HMGXB3: variants seen among roughly 807,000 people sequenced by gnomAD.
HMGXB3 encodes HMG-box containing 3, also known as HMG domain-containing protein 3.
In HMGXB3, 45 loss-of-function variants were observed where a neutral mutation model predicts 121.5. The observed-to-expected ratio is 0.37, with a 90% CI of 0.29 to 0.47. The LOEUF is 0.47. Among genes scored for constraint, HMGXB3 ranks in the 20% least tolerant of loss-of-function variants. The pLI is 0.99. For missense variants in HMGXB3, 1,376 were observed against 1,602.2 expected (o/e 0.86, Z 2.41); for synonymous variants, 590 against 624.1 (o/e 0.95, Z 0.81).
chr5:150,024,163 CTTAT>C (rs749754474), intron 6 of HMGXB3, 95 bp from the exon 7 acceptor site: 1 of 983,668 alleles, frequency 1.0e-6, no homozygotes, highest in Non-Finnish European at 1.4e-6. Flanking sequence ...CCTTAGTTTC[CTTAT>C]TTATTGCCCA....
At chr5:150,041,532 A>T (rs1287432054) in intron 14 of HMGXB3, among the ~76,000 whole-genome samples, 1 of 152,260 alleles carries the variant, frequency 6.6e-6, no homozygotes, top group Non-Finnish European at 1.5e-5. Context: ...ATGACATAAC[A>T]TATCCAAAGC....
At chr5:150,014,527 A>G (rs1055003741) in intron 5 of HMGXB3, among the ~76,000 whole-genome samples, 3 of 152,226 alleles carry the variant, frequency 2.0e-5, no homozygotes, top group East Asian at 3.9e-4. Context: ...AGGACCTACT[A>G]AAACAGTTCA....
chr5:150,038,509 A>C (rs887733464), intron 13 of HMGXB3, among the ~76,000 whole-genome samples: 3 of 152,246 alleles, frequency 2.0e-5, no homozygotes, highest in African/African-American at 7.2e-5. Context: ...ATAAGTTCTG[A>C]CAGATGCACT....
chr5:150,045,082 G>A (rs974857589), intron 15 of HMGXB3, among the ~76,000 whole-genome samples: 2 of 152,160 alleles, frequency 1.3e-5, no homozygotes, highest in African/African-American at 4.8e-5. Context: ...CTGTCTCTTC[G>A]AGTGCTTGAA....
At chr5:150,047,246 G>T (rs184561127) in intron 16 of HMGXB3, among the ~76,000 whole-genome samples, 19 of 152,244 alleles carry the variant, frequency 1.2e-4, no homozygotes, top group Middle Eastern at 6.8e-3. Flanking sequence ...GTGCTAGCCA[G>T]GTTCAGGAAC....
At chr5:150,018,447 A>G in intron 5 of HMGXB3, 119 bp from the exon 6 acceptor site, 2 of 748,340 alleles carry the variant, frequency 2.7e-6, no homozygotes, top group Non-Finnish European at 3.9e-6. Context: ...CTTTTATGAT[A>G]TGATTATGAA....
rs1408214627 is a variant in HMGXB3 at position 150,052,212 on chromosome 5, A to T, written c.*20A>T. Reference sequence around the variant, plus strand: ...GAATAAGCCAGGCTGTTGTACAGGGACTACACCATCTCTCAAGCCATAGTA... The same window carrying T: ...GAATAAGCCAGGCTGTTGTACAGGGTCTACACCATCTCTCAAGCCATAGTA... On this transcript the variant is annotated 3_prime_UTR_variant, in exon 20 of 20. Coordinates refer to ENST00000502717, the MANE Select transcript of HMGXB3 (RefSeq NM_014983.3). 6.6e-7 allele frequency: 1 copy of T among 1,505,212 alleles called. No homozygotes were observed. The highest frequency in any genetic ancestry group is 1.2e-5 in the South Asian group (1 of 81,338). The allele number at this position is 1,505,212 out of a possible 1,614,324, so 93.2% of individuals were successfully genotyped here.
At chr5:150,004,175 A>T (rs1360242291) in intron 1 of HMGXB3, among the ~76,000 whole-genome samples, 1 of 151,952 alleles carries the variant, frequency 6.6e-6, no homozygotes, top group Admixed American at 6.6e-5. Flanking sequence ...CGCCCATCCA[A>T]TTATTTTTAA....
At chr5:150,038,097 T>C (rs1210919370) in intron 13 of HMGXB3, among the ~76,000 whole-genome samples, 1 of 152,212 alleles carries the variant, frequency 6.6e-6, no homozygotes, top group Non-Finnish European at 1.5e-5. Flanking sequence ...CCCTAATTTG[T>C]CTTTTGGACA....
rs200088455 is a variant in HMGXB3, at chr5:150,024,513, C to T, written c.1293C>T (p.Pro431=). The part of the protein sequence containing the change: ...SDAHVLVKEA[P]GNCGTAVTKT... ...CCCATGTTTTGGTTAAGGAAGCTCC[C>T]GGGAATTGTGGTACAGCAGTCACTA... The change falls in exon 7 of 20, where the codon CCC becomes CCT. Residue 431 remains proline (P), a synonymous_variant. Transcript: ENST00000502717. 133 of 1,551,456 alleles carry T rather than the reference C, an allele frequency of 8.6e-5. No individual in the cohort carries two copies. The highest frequency in any genetic ancestry group is 4.2e-4 in the East Asian group (17 of 40,930).
intron 9 of HMGXB3, among the ~76,000 whole-genome samples, chr5:150,028,541 GTATATA>G (rs1554098997): frequency 2.4e-5 from 1 of 42,088 alleles, no homozygotes; most frequent in Non-Finnish European, 5.0e-5. Flanking sequence ...GTGTGTGTGT[GTATATA>G]TATATATATA....
intron 9 of HMGXB3, 200 bp from the exon 10 acceptor site, chr5:150,030,541 C>T (rs1756347397): frequency 3.6e-6 from 2 of 556,670 alleles, no homozygotes; most frequent in South Asian, 2.1e-5. Flanking sequence ...TGCACAGAAG[C>T]ATGTGGCAAG....
chr5:150,033,948 C>A (rs899189447), intron 11 of HMGXB3, among the ~76,000 whole-genome samples: 4 of 152,126 alleles, frequency 2.6e-5, no homozygotes, highest in Admixed American at 6.5e-5. Context: ...GGGAAAAACA[C>A]TGGGGCTGGG....
In HMGXB3 at chr5:150,051,752, C is replaced by A. The variant is rs1756904833; in HGVS notation, c.3439C>A (p.Gln1147Lys). ...VSVSCPELLDQHYTVDMTETE... is the reference protein window; with the variant it reads ...VSVSCPELLDKHYTVDMTETE... ...TGTGTCCTGCCCAGAGCTCTTGGACCAGCATTATACTGTGGACATGACAGA... is the reference window on the plus strand; with the variant it reads ...TGTGTCCTGCCCAGAGCTCTTGGACAAGCATTATACTGTGGACATGACAGA... Residue 1147 changes from glutamine (Q) to lysine (K), a missense_variant, in exon 20 of 20, where the codon CAG (glutamine) becomes AAG (lysine). Transcript: ENST00000502717. 3 of 1,533,168 alleles carry A rather than the reference C, an allele frequency of 2.0e-6. No individual in the cohort carries two copies. Among genetic ancestry groups the A allele is most frequent in the African/African-American group, 2.7e-5 (2 of 72,886 alleles). The allele number at this position is 1,533,168 out of a possible 1,614,324, so 95.0% of individuals were successfully genotyped here.
chr5:150,012,726 C>A (rs1172885149), intron 5 of HMGXB3, among the ~76,000 whole-genome samples: 2 of 152,166 alleles, frequency 1.3e-5, no homozygotes, highest in African/African-American at 4.8e-5. Context: ...AGGAAAAGGG[C>A]CATAGGAGAG....
chr5:150,018,928 G>T (rs1756020897), intron 6 of HMGXB3, among the ~76,000 whole-genome samples: 1 of 152,032 alleles, frequency 6.6e-6, no homozygotes, highest in Non-Finnish European at 1.5e-5. Flanking sequence ...ACATTTTGGT[G>T]TACTTCTTTC....
intron 14 of HMGXB3, among the ~76,000 whole-genome samples, 185 bp from the exon 15 acceptor site, chr5:150,041,598 GCT>G (rs1255300703): frequency 6.6e-6 from 1 of 152,250 alleles, no homozygotes; most frequent in East Asian, 1.9e-4. Flanking sequence ...AGTGGGAATT[GCT>G]CTTTGGGTTG....
At position 150,010,187 on chromosome 5, in the gene HMGXB3, A is replaced by G; in HGVS notation, c.389A>G (p.Tyr130Cys). ...GFRKILPRSD[Y>C]IIIPKSSLQE... ...CGCAAGATCCTCCCACGCTCAGATT[A>G]TATCATCATCCCCAAGAGCAGCCTG... The change falls in exon 4 of 20, where the codon TAT becomes TGT. Residue 130 changes from tyrosine to cysteine, a missense_variant. By Grantham distance (194) the Tyr-to-Cys change is radical. This residue lies in a region of HMGXB3 where 1,116 missense variants were observed against 1,369.0 expected (regional missense o/e 0.82). Transcript: ENST00000502717. 2 of 1,551,728 alleles carry G rather than the reference A, an allele frequency of 1.3e-6. No homozygotes were observed. The highest frequency in any genetic ancestry group is 1.7e-6 in the Non-Finnish European group (2 of 1,147,000).
At chr5:150,047,959 G>A (rs1021083941) in intron 17 of HMGXB3, among the ~76,000 whole-genome samples, 8 of 152,246 alleles carry the variant, frequency 5.3e-5, no homozygotes, top group African/African-American at 1.9e-4. Flanking sequence ...CCTGTTGAAG[G>A]TTGTGAGCCT....
Sources: gnomAD v4.1 joint callset for allele counts (sites outside exome capture counted in the v4.1 genomes callset) on GRCh38, gnomAD v4.1.1 for gene constraint, gnomAD v4.1.1 regional missense constraint, MANE v1.5 for transcripts, NCBI Gene and HGNC (gene_info 2026-07-23, HGNC 2026-07-21) for gene names.